The following WARS1 variants were observed in gnomAD, a reference collection of about 807,000 sequenced individuals.
WARS1 encodes the protein tryptophan--tRNA ligase, cytoplasmic.
A neutral mutation model predicts 47.8 loss-of-function variants in WARS1; 17 were observed. The ratio of observed to expected loss-of-function variants is 0.36; its 90% CI spans 0.24 to 0.53. The LOEUF is 0.53. Among genes scored for constraint, WARS1 ranks in the 20% least tolerant of loss-of-function variants. The pLI, the probability that WARS1 is intolerant of heterozygous loss-of-function variation, is 0.91. For missense variants in WARS1, 434 were observed against 608.0 expected, an observed-to-expected ratio of 0.71 and a Z score of 3.01; for synonymous variants, 208 against 228.1, an observed-to-expected ratio of 0.91 and a Z score of 0.79.
At chr14:100,353,635 C>G in intron 6 of WARS1, 52 bp downstream of exon 6, 1 of 1,587,184 alleles carries the variant, frequency 6.3e-7, no homozygotes, top group Non-Finnish European at 8.6e-7. Context: ...GTCATGACAA[C>G]TTGACATCCT....
At chr14:100,342,299 C>T in intron 9 of WARS1, 99 bp downstream of exon 9, 1 of 1,541,900 alleles carries the variant, frequency 6.5e-7, no homozygotes, top group Non-Finnish European at 8.9e-7. Flanking sequence ...GGCTGGGTGG[C>T]TGAGGCCCAA....
chr14:100,371,639 G>T (rs1896358136), intron 1 of WARS1, among the ~76,000 whole-genome samples: 1 of 152,062 alleles, frequency 6.6e-6, no homozygotes, highest in African/African-American at 2.4e-5. Flanking sequence ...GGAGGCTGAG[G>T]CATGAGAATC....
At position 100,360,136 on chromosome 14, in the gene WARS1, T is replaced by C. The variant is rs61990727; in HGVS notation, c.422+418A>G. On this transcript the variant is annotated intron_variant, in intron 4 of 10. Transcript: ENST00000392882. Reference sequence around the variant, plus strand: ...CATGCATTCTCTGTTGGTTTGTCTGTTGGTATTGTTTATGAGCAAGTCAAT... The same window carrying C: ...CATGCATTCTCTGTTGGTTTGTCTGCTGGTATTGTTTATGAGCAAGTCAAT... 1.9e-3 allele frequency among the ~76,000 whole-genome samples: 295 copies of C among 152,348 alleles called. 4 individuals are homozygous for C. Among genetic ancestry groups the C allele is most frequent in the Middle Eastern group, 3.4e-3 (1 of 294 alleles).
At chr14:100,339,590 C>CAAAAA (rs386382322) in intron 9 of WARS1, among the ~76,000 whole-genome samples, 6 of 78,598 alleles carry the variant, frequency 7.6e-5, no homozygotes, top group Middle Eastern at 9.3e-3. Context: ...GACTCCGTCT[C>CAAAAA]AAAAAAAAAA....
At chr14:100,347,333 T>C (rs1416433867) in intron 6 of WARS1, among the ~76,000 whole-genome samples, 5 of 152,128 alleles carry the variant, frequency 3.3e-5, no homozygotes, top group African/African-American at 1.2e-4. Context: ...CCTGTTTCAG[T>C]GCAGCTGGTC....
At chr14:100,340,615 G>C (rs894474342) in intron 9 of WARS1, 4 of 152,160 alleles carry the variant, frequency 2.6e-5, no homozygotes, top group Admixed American at 6.5e-5. Flanking sequence ...TGAGTAGCTG[G>C]GACTACAGGC....
At chr14:100,354,838 A>C (rs1371646712) in intron 4 of WARS1, among the ~76,000 whole-genome samples, 1 of 152,174 alleles carries the variant, frequency 6.6e-6, no homozygotes, top group East Asian at 1.9e-4. Context: ...GACTCCTGGA[A>C]TCCCTCCAAA....
intron 2 of WARS1, among the ~76,000 whole-genome samples, chr14:100,368,626 A>G (rs575185189): frequency 6.6e-6 from 1 of 152,214 alleles, no homozygotes; most frequent in Non-Finnish European, 1.5e-5. Context: ...GACTCTTTAG[A>G]CCACAGGCAT....
chr14:100,352,108 C>CTTTTT (rs1172421175), intron 6 of WARS1, among the ~76,000 whole-genome samples: 1,589 of 94,114 alleles, frequency 0.017, 4 homozygotes, highest in Middle Eastern at 0.038. Context: ...CAGTTTCTTT[C>CTTTTT]TTTTTTTTTT....
rs1422358319 is a variant in WARS1, at chr14:100,361,870, T to C, written c.151A>G (p.Lys51Glu). 6.2e-7 allele frequency: 1 copy of C among 1,614,188 alleles called. No homozygotes were observed. Among genetic ancestry groups the C allele is most frequent in the Non-Finnish European group, 8.5e-7 (1 of 1,180,026 alleles). Residue 51 changes from lysine (K) to glutamate (E), a missense_variant, in exon 3 of 11, where the codon AAA becomes GAA. Physicochemically the swap from Lys to Glu is moderately conservative, Grantham distance 56. Coordinates refer to ENST00000392882, the MANE Select transcript of WARS1 (RefSeq NM_004184.4). ...KMLVSLKMSY[K>E]AAAGEDYKAD... ...TTGTAATCCTCCCCCGCGGCAGCTT[T>C]GTAGCTCATTTTTAATGACACCAAC...
chr14:100,366,315 CT>C lies in WARS1; in HGVS notation c.99+2771del, dbSNP rs543460890. 5.3e-5 allele frequency among the ~76,000 whole-genome samples: 8 copies of C among 152,288 alleles called. No individual in the cohort carries two copies. The South Asian group carries it at 1.7e-3, about 32-fold the overall frequency. On this transcript the variant is annotated intron_variant, in intron 2 of 10. Coordinates refer to ENST00000392882, the MANE Select transcript of WARS1 (RefSeq NM_004184.4). Reference sequence around the variant, plus strand: ...AACTTTAAAGAAAAGATCTAAAGACCTTGACACGAAAGATTCCCCAACAAAA... The same window carrying C: ...AACTTTAAAGAAAAGATCTAAAGACCTGACACGAAAGATTCCCCAACAAAA...
chr14:100,372,083 C>T (rs1896386393), intron 1 of WARS1, among the ~76,000 whole-genome samples: 1 of 152,192 alleles, frequency 6.6e-6, no homozygotes, highest in Non-Finnish European at 1.5e-5. Flanking sequence ...ACCTGCCCGC[C>T]AGAGAACAAT....
intron 10 of WARS1, 88 bp downstream of exon 10, chr14:100,336,974 T>C: frequency 6.5e-7 from 1 of 1,546,588 alleles, no homozygotes; most frequent in South Asian, 1.2e-5. Context: ...GACCAAGCCT[T>C]CATGCCTGGC....
At chr14:100,361,617 A>C in intron 3 of WARS1, 91 bp downstream of exon 3, 2 of 1,341,886 alleles carry the variant, frequency 1.5e-6, no homozygotes, top group Non-Finnish European at 2.1e-6. Context: ...ATTTATGATT[A>C]ATTCAAAATT....
At chr14:100,344,337 G>A (rs1169300651) in intron 7 of WARS1, among the ~76,000 whole-genome samples, 1 of 152,208 alleles carries the variant, frequency 6.6e-6, no homozygotes, top group Non-Finnish European at 1.5e-5. Context: ...AGCCAGCCTC[G>A]GCCTCCTGAG....
At chr14:100,369,756 C>T (rs1342922357) in intron 1 of WARS1, among the ~76,000 whole-genome samples, 1 of 151,700 alleles carries the variant, frequency 6.6e-6, no homozygotes, top group East Asian at 1.9e-4. Context: ...TGGCTCACTG[C>T]AACCTCCACC....
intron 2 of WARS1, chr14:100,366,506 A>G: frequency 2.2e-6 from 1 of 454,696 alleles, no homozygotes; most frequent in East Asian, 4.6e-5. Flanking sequence ...GGCAGGTAGA[A>G]AACAAATTAA....
At chr14:100,366,671 C>T in intron 2 of WARS1, 1 of 778,272 alleles carries the variant, frequency 1.3e-6, no homozygotes, top group Non-Finnish European at 2.4e-6. Context: ...TAAAATGGAA[C>T]TTCTAGATTA....
chr14:100,343,443 T>C (rs1894309135), intron 7 of WARS1, 56 bp from the exon 8 acceptor site: 2 of 1,336,430 alleles, frequency 1.5e-6, no homozygotes, highest in Non-Finnish European at 2.1e-6. Context: ...TCTGCTTAGT[T>C]AATAAAGGAA....
Sources: allele counts gnomAD v4.1 joint callset (sites outside exome capture counted in the v4.1 genomes callset), GRCh38; gene constraint gnomAD v4.1.1; transcripts MANE v1.5; gene names NCBI Gene and HGNC (gene_info 2026-07-23, HGNC 2026-07-21).